The following PCDHA3 variants were observed in gnomAD, a reference collection of about 807,000 sequenced individuals.
PCDHA3 encodes the protein protocadherin alpha 3, also known as protocadherin alpha-3.
PCDHA3 carries 41 observed loss-of-function variants against 62.2 expected under a neutral mutation model. The observed-to-expected ratio is 0.66, with a 90% CI of 0.51 to 0.86. PCDHA3 has a LOEUF of 0.86. Ranked by LOEUF, PCDHA3 falls within the 40% of genes least tolerant of loss-of-function variation. The probability of loss-of-function intolerance (pLI) is 0.00; values close to 1 mark genes in which losing one functional copy is unlikely to be tolerated. For synonymous variants in PCDHA3, 640 were observed against 555.4 expected, an observed-to-expected ratio of 1.15 and a Z score of -2.14; for missense variants, 1,304 against 1,241.2, an observed-to-expected ratio of 1.05 and a Z score of -0.76.
chr5:140,941,202 C>CTTTCTCTCTTT (rs1554213921), intron 1 of PCDHA3, among the ~76,000 whole-genome samples: 1 of 122,742 alleles, frequency 8.1e-6, no homozygotes, highest in African/African-American at 3.0e-5. Flanking sequence ...TTTCTTTCTT[C>CTTTCTCTCTTT]CTTTCTTTCT....
chr5:140,876,195 G>A (rs1554168359), intron 1 of PCDHA3: 2 of 1,613,944 alleles, frequency 1.2e-6, no homozygotes, highest in Admixed American at 1.7e-5. Flanking sequence ...ATGGTCCGGC[G>A]TTTGATAAGC....
intron 1 of PCDHA3, chr5:140,822,934 T>C: frequency 6.2e-7 from 1 of 1,614,238 alleles, no homozygotes; most frequent in Non-Finnish European, 8.5e-7. Context: ...GGTGACCTGC[T>C]CCCTAATGCC....
intron 1 of PCDHA3, chr5:140,859,687 T>G (rs1196528150): frequency 1.3e-5 from 2 of 154,650 alleles, no homozygotes; most frequent in Non-Finnish European, 2.9e-5. Flanking sequence ...AAATTAAAAT[T>G]ATTGTTCAAG....
intron 1 of PCDHA3, chr5:140,805,052 C>T: frequency 6.3e-7 from 1 of 1,591,196 alleles, no homozygotes; most frequent in Non-Finnish European, 8.5e-7. Flanking sequence ...AAGTACTTGT[C>T]TTCCCAGATA....
chr5:140,954,771 T>C (rs1314345691), intron 1 of PCDHA3, among the ~76,000 whole-genome samples: 2 of 152,230 alleles, frequency 1.3e-5, no homozygotes, highest in African/African-American at 4.8e-5. Context: ...AGCTCTTTAA[T>C]TTAATTAGAT....
intron 1 of PCDHA3, chr5:140,828,394 G>A: frequency 6.2e-7 from 1 of 1,614,292 alleles, no homozygotes; most frequent in East Asian, 2.2e-5. Context: ...GGAGCGCGGA[G>A]TGCAGCATCC....
intron 1 of PCDHA3, chr5:140,848,600 C>CTA (rs2040492511): frequency 6.3e-7 from 1 of 1,593,634 alleles, no homozygotes; most frequent in Non-Finnish European, 8.6e-7. Flanking sequence ...ACTACTCCGT[C>CTA]CCGGAGGAAG....
intron 1 of PCDHA3, chr5:140,884,217 T>C (rs782181432): frequency 6.2e-7 from 1 of 1,613,448 alleles, no homozygotes; most frequent in East Asian, 2.2e-5. Flanking sequence ...CTTCTGGTGC[T>C]GGTGAAGGAC....
chr5:140,892,952 AT>A (rs1327610333), intron 1 of PCDHA3, among the ~76,000 whole-genome samples: 1 of 152,154 alleles, frequency 6.6e-6, no homozygotes, highest in African/African-American at 2.4e-5. Context: ...TACTACTTCC[AT>A]GAGCTCAATA....
intron 1 of PCDHA3, chr5:140,930,027 T>A (rs1554207548): frequency 6.6e-6 from 1 of 152,190 alleles, no homozygotes; most frequent in Non-Finnish European, 1.5e-5. Context: ...CATAGCAGTG[T>A]TTTGTAACTG....
intron 1 of PCDHA3, chr5:140,823,321 G>T: frequency 6.2e-7 from 1 of 1,612,290 alleles, no homozygotes. Flanking sequence ...GAGCGGCAAG[G>T]TGTACGCGCT....
intron 1 of PCDHA3, chr5:140,858,577 A>T: frequency 7.4e-7 from 1 of 1,352,316 alleles, no homozygotes; most frequent in Non-Finnish European, 1.0e-6. Context: ...ATACCTTTGT[A>T]ATATAATTTA....
At chr5:140,894,505 C>T (rs1054272448) in intron 1 of PCDHA3, among the ~76,000 whole-genome samples, 9 of 151,570 alleles carry the variant, frequency 5.9e-5, no homozygotes, top group Non-Finnish European at 2.9e-5. Context: ...AGGCATTATC[C>T]ATAGTGTTTA....
intron 3 of PCDHA3, among the ~76,000 whole-genome samples, chr5:140,987,354 G>A (rs1180342992): frequency 2.6e-5 from 4 of 152,166 alleles, no homozygotes; most frequent in Admixed American, 2.6e-4. Context: ...TATTCCTGAG[G>A]TTGTCTTATA....
chr5:140,808,294 C>G (rs942791264), intron 1 of PCDHA3: 13 of 1,614,156 alleles, frequency 8.1e-6, no homozygotes, highest in Middle Eastern at 3.3e-4. Flanking sequence ...GTACAGTCAT[C>G]GCCCTGATCA....
chr5:140,881,680 T>G (rs1391876461), intron 1 of PCDHA3, among the ~76,000 whole-genome samples: 1 of 152,268 alleles, frequency 6.6e-6, no homozygotes. Flanking sequence ...GTGATTGTTA[T>G]GTTTCCTTTT....
intron 1 of PCDHA3, among the ~76,000 whole-genome samples, chr5:140,895,738 C>A (rs1554186621): frequency 6.6e-6 from 1 of 152,108 alleles, no homozygotes; most frequent in Non-Finnish European, 1.5e-5. Context: ...CAATGGGCTG[C>A]AAAGGGCATG....
intron 1 of PCDHA3, among the ~76,000 whole-genome samples, chr5:140,936,053 C>A (rs576745037): frequency 1.3e-5 from 2 of 151,934 alleles, no homozygotes; most frequent in African/African-American, 4.8e-5. Context: ...CCACCACACC[C>A]GGCTAATTTT....
At chr5:140,836,610 A>T in intron 1 of PCDHA3, 1 of 1,613,696 alleles carries the variant, frequency 6.2e-7, no homozygotes, top group Non-Finnish European at 8.5e-7. Flanking sequence ...GGTGTGCTCC[A>T]GCGCGGTGGG....
Sources: allele counts gnomAD v4.1 joint callset (sites outside exome capture counted in the v4.1 genomes callset), GRCh38; gene constraint gnomAD v4.1.1; transcripts MANE v1.5; gene names NCBI Gene and HGNC (gene_info 2026-07-23, HGNC 2026-07-21).